APBA2: variants seen among roughly 807,000 people sequenced by gnomAD.
APBA2 encodes amyloid beta precursor protein binding family A member 2.
A neutral mutation model predicts 75.0 loss-of-function variants in APBA2; 30 were observed. The ratio of observed to expected loss-of-function variants is 0.40; its 90% CI spans 0.30 to 0.54. APBA2 has a LOEUF of 0.54. Among genes scored for constraint, APBA2 ranks in the 20% least tolerant of loss-of-function variants. The probability of loss-of-function intolerance (pLI) is 0.49; values close to 1 mark genes in which losing one functional copy is unlikely to be tolerated. For missense variants in APBA2, 801 were observed against 1,016.1 expected (o/e 0.79, Z 2.88); for synonymous variants, 444 against 409.6 (o/e 1.08, Z -1.01).
intron 2 of APBA2, among the ~76,000 whole-genome samples, chr15:28,950,052 T>C (rs866097305): frequency 2.0e-5 from 3 of 152,202 alleles, no homozygotes; most frequent in African/African-American, 7.2e-5. Context: ...TGCGTCTCCT[T>C]AGCCTCCTCT....
chr15:29,028,859 G>T (rs1386709636), intron 3 of APBA2, among the ~76,000 whole-genome samples: 1 of 151,896 alleles, frequency 6.6e-6, no homozygotes, highest in African/African-American at 2.4e-5. Flanking sequence ...GGGGTTGTTT[G>T]GGTTTTTTTT....
intron 2 of APBA2, among the ~76,000 whole-genome samples, chr15:28,955,929 G>A (rs1309117614): frequency 6.6e-6 from 1 of 152,190 alleles, no homozygotes; most frequent in Non-Finnish European, 1.5e-5. Flanking sequence ...CCGTGGACCC[G>A]TAGCTCAGCA....
At chr15:29,078,937 C>T (rs2042970566) in intron 6 of APBA2, among the ~76,000 whole-genome samples, 2 of 152,206 alleles carry the variant, frequency 1.3e-5, no homozygotes, top group Admixed American at 1.3e-4. Flanking sequence ...ATAGTGTGCT[C>T]CCTGGGTAAC....
At chr15:29,059,864 T>C (rs1467237909) in intron 4 of APBA2, among the ~76,000 whole-genome samples, 1 of 151,784 alleles carries the variant, frequency 6.6e-6, no homozygotes, top group Non-Finnish European at 1.5e-5. Context: ...TTCTTGGGGG[T>C]TTACTGATTT....
intron 4 of APBA2, among the ~76,000 whole-genome samples, chr15:29,058,309 G>A (rs1340396179): frequency 6.6e-6 from 1 of 152,040 alleles, no homozygotes; most frequent in African/African-American, 2.4e-5. Context: ...TCAGGAGTTC[G>A]AGACCAGCCT....
intron 14 of APBA2, among the ~76,000 whole-genome samples, chr15:29,115,415 G>A (rs960083629): frequency 5.3e-5 from 8 of 152,090 alleles, no homozygotes; most frequent in African/African-American, 1.9e-4. Flanking sequence ...GGAGGAGGAG[G>A]GGCCAGGCGG....
intron 3 of APBA2, among the ~76,000 whole-genome samples, chr15:28,999,564 A>AG (rs1480148603): frequency 3.9e-5 from 6 of 152,272 alleles, no homozygotes; most frequent in South Asian, 4.2e-4. Flanking sequence ...GTGTGAAGCA[A>AG]GGGGGCCTTC....
intron 11 of APBA2, 125 bp from the exon 12 acceptor site, chr15:29,106,482 C>A: frequency 1.8e-6 from 2 of 1,114,254 alleles, no homozygotes; most frequent in Non-Finnish European, 2.6e-6. Context: ...TGAGATGAGC[C>A]AGCCTTGGAT....
intron 2 of APBA2, among the ~76,000 whole-genome samples, chr15:28,969,140 C>CTTTCTT (rs1241816557): frequency 1.4e-5 from 1 of 70,482 alleles, no homozygotes; most frequent in Admixed American, 1.3e-4. Context: ...TTCTTTCTTT[C>CTTTCTT]TTTCTTTCTT....
At chr15:29,068,141 G>A in intron 4 of APBA2, among the ~76,000 whole-genome samples, 1 of 152,230 alleles carries the variant, frequency 6.6e-6, no homozygotes, top group East Asian at 1.9e-4. Flanking sequence ...CACAGGGGAG[G>A]TCACAGGTCA....
At chr15:28,999,781 C>T (rs559909210) in intron 3 of APBA2, among the ~76,000 whole-genome samples, 1 of 152,272 alleles carries the variant, frequency 6.6e-6, no homozygotes, top group East Asian at 1.9e-4. Flanking sequence ...ATTGATTGGT[C>T]AATTGATATA....
intron 3 of APBA2, among the ~76,000 whole-genome samples, chr15:29,017,530 C>T (rs184581624): frequency 2.0e-4 from 31 of 151,776 alleles, no homozygotes; most frequent in South Asian, 4.2e-4. Flanking sequence ...CCACTGCGCC[C>T]GGCTAATTTT....
At chr15:28,964,632 C>T (rs1015446851) in intron 2 of APBA2, among the ~76,000 whole-genome samples, 4 of 151,776 alleles carry the variant, frequency 2.6e-5, no homozygotes, top group Admixed American at 6.6e-5. Flanking sequence ...GGATTACAGG[C>T]GCCTGCCACC....
At chr15:28,897,790 G>A (rs2032597869) in intron 1 of APBA2, among the ~76,000 whole-genome samples, 1 of 152,146 alleles carries the variant, frequency 6.6e-6, no homozygotes, top group African/African-American at 2.4e-5. Context: ...ATGACCAGCA[G>A]TCTCAATCCA....
chr15:28,926,316 C>T (rs1349009268), intron 2 of APBA2, among the ~76,000 whole-genome samples: 1 of 152,130 alleles, frequency 6.6e-6, no homozygotes, highest in African/African-American at 2.4e-5. Context: ...TAGTGTATCA[C>T]TCATACTTCT....
intron 2 of APBA2, among the ~76,000 whole-genome samples, chr15:28,927,883 C>T (rs1457534117): frequency 5.3e-5 from 8 of 151,770 alleles, no homozygotes; most frequent in Admixed American, 5.2e-4. Flanking sequence ...GTGGCTCACA[C>T]CTGTAATCCC....
At chr15:29,107,954 G>A (rs1048735170) in intron 12 of APBA2, among the ~76,000 whole-genome samples, 9 of 152,126 alleles carry the variant, frequency 5.9e-5, no homozygotes, top group African/African-American at 1.2e-4. Context: ...TGCCAGGTGC[G>A]TTGGTTCTGC....
rs145875663 is a variant in APBA2 at position 28,919,132 on chromosome 15, T to A, written c.-204-2508T>A. 7.6e-3 allele frequency among the ~76,000 whole-genome samples: 1,155 copies of A among 152,278 alleles called. 18 individuals carry two copies. Among genetic ancestry groups the A allele is most frequent in the African/African-American group, 0.027 (1,116 of 41,578 alleles). ...ACCTAGGCCTCCCAAAATGTTGGGA[T>A]TACAGGCGTGAGCCACTGCGCCCGG... On this transcript the variant is annotated intron_variant, in intron 1 of 14. Coordinates refer to ENST00000683413, the MANE Select transcript of APBA2 (RefSeq NM_001353788.2).
At chr15:28,944,704 G>A (rs533822602) in intron 2 of APBA2, among the ~76,000 whole-genome samples, 20 of 152,384 alleles carry the variant, frequency 1.3e-4, no homozygotes, top group African/African-American at 4.3e-4. Flanking sequence ...GCAGAGATAC[G>A]TGCAGAGAGG....
Sources: allele counts gnomAD v4.1 joint callset (sites outside exome capture counted in the v4.1 genomes callset), GRCh38; gene constraint gnomAD v4.1.1; transcripts MANE v1.5; gene names NCBI Gene and HGNC (gene_info 2026-07-23, HGNC 2026-07-21).